Variants in PTPRG observed in about 807,000 individuals in gnomAD.
The protein encoded by PTPRG is receptor-type tyrosine-protein phosphatase gamma.
A neutral mutation model predicts 165.3 loss-of-function variants in PTPRG; 102 were observed. The observed-to-expected ratio is 0.62, with a 90% CI of 0.53 to 0.73. The LOEUF (loss-of-function observed/expected upper bound fraction) is 0.73. PTPRG is among the 30% of genes least tolerant of loss of function. The pLI, the probability that PTPRG is intolerant of heterozygous loss-of-function variation, is 0.00. For missense variants in PTPRG, 1,866 were observed against 1,861.4 expected (o/e 1.00, Z -0.05); for synonymous variants, 675 against 669.5 (o/e 1.01, Z -0.13).
intron 2 of PTPRG, among the ~76,000 whole-genome samples, chr3:61,864,490 A>C (rs1008119083): frequency 6.6e-6 from 1 of 152,202 alleles, no homozygotes; most frequent in East Asian, 1.9e-4. Context: ...TGAGCATTCA[A>C]GGATTTTGGG....
chr3:62,173,795 C>A (rs1193189845), intron 8 of PTPRG, among the ~76,000 whole-genome samples: 1 of 152,166 alleles, frequency 6.6e-6, no homozygotes, highest in Non-Finnish European at 1.5e-5. Flanking sequence ...TGGTGGGGGC[C>A]TGTGTTCATG....
chr3:61,624,176 T>C (rs1323091730), intron 1 of PTPRG, among the ~76,000 whole-genome samples: 1 of 152,170 alleles, frequency 6.6e-6, no homozygotes, highest in Non-Finnish European at 1.5e-5. Flanking sequence ...AAGATAATCC[T>C]GTGAATTTAA....
intron 4 of PTPRG, among the ~76,000 whole-genome samples, chr3:62,036,981 ACG>A (rs1553707727): frequency 7.2e-5 from 8 of 111,848 alleles, no homozygotes; most frequent in African/African-American, 1.4e-4. Flanking sequence ...GCGCGCGCGC[ACG>A]CACACACACA....
At chr3:61,962,975 A>G (rs1246732488) in intron 2 of PTPRG, among the ~76,000 whole-genome samples, 10 of 152,200 alleles carry the variant, frequency 6.6e-5, no homozygotes, top group Admixed American at 2.0e-4. Context: ...AGGTATATGC[A>G]GAGAAGTCTT....
intron 2 of PTPRG, among the ~76,000 whole-genome samples, chr3:61,836,254 A>AT (rs2036458624): frequency 6.6e-6 from 1 of 152,118 alleles, no homozygotes; most frequent in East Asian, 1.9e-4. Flanking sequence ...GTTATAGAAC[A>AT]TAGCCCTTTT....
chr3:62,171,196 G>T (rs986149221), intron 8 of PTPRG, among the ~76,000 whole-genome samples: 1 of 152,078 alleles, frequency 6.6e-6, no homozygotes, highest in African/African-American at 2.4e-5. Flanking sequence ...TTATTTTCAA[G>T]TCTGGGTGAT....
At chr3:62,282,553 AC>A (rs1702491404) in intron 27 of PTPRG, among the ~76,000 whole-genome samples, 173 bp from the exon 28 acceptor site, 1 of 144,114 alleles carries the variant, frequency 6.9e-6, no homozygotes, top group East Asian at 2.0e-4. Context: ...AAACAAAAAA[AC>A]AAAAAAAAAA....
chr3:62,061,122 T>C (rs1700795668), intron 4 of PTPRG, among the ~76,000 whole-genome samples: 1 of 152,218 alleles, frequency 6.6e-6, no homozygotes, highest in Non-Finnish European at 1.5e-5. Context: ...TGTTTTAGCA[T>C]CCCTTGATTT....
At chr3:61,787,978 A>T (rs548724568) in intron 2 of PTPRG, among the ~76,000 whole-genome samples, 84 of 152,108 alleles carry the variant, frequency 5.5e-4, no homozygotes, top group Non-Finnish European at 1.1e-3. Context: ...CAAACTTGTG[A>T]GTTTGTCTGA....
rs1476337922 is a variant in PTPRG at position 62,271,549 on chromosome 3, A to G, written c.3176A>G (p.His1059Arg). 6.2e-7 allele frequency: 1 copy of G among 1,612,910 alleles called. No homozygotes were observed. The highest frequency in any genetic ancestry group is 8.5e-7 in the Non-Finnish European group (1 of 1,179,348). ...CCAGAAACGGGCCCTGTGTTGGTGC[A>G]CTGCAGGTAGGGTCTAGGATTCAAC... ...RMPETGPVLVHCSAGVGRTGT... is the reference protein window; with the variant it reads ...RMPETGPVLVRCSAGVGRTGT... The change falls in exon 21 of 30, where the codon CAC (histidine) becomes CGC (arginine). Residue 1059 changes from histidine to arginine, a missense_variant. By Grantham distance (29) the His-to-Arg change is conservative (BLOSUM62 0). Coordinates refer to ENST00000474889, the MANE Select transcript of PTPRG (RefSeq NM_002841.4). The surrounding 1 kb of genome is among the most constrained non-coding windows in gnomAD (Gnocchi z 4.1).
chr3:62,029,302 T>G lies in PTPRG; in HGVS notation c.519+25805T>G, dbSNP rs531981528. Among the ~76,000 whole-genome samples the G allele has an allele frequency of 3.9e-5, 6 of 152,166 alleles. No homozygotes were observed. In the South Asian group the frequency reaches 1.0e-3, roughly 26 times the overall value. The stretch of plus-strand genomic sequence containing the variant: ...TTAGAGTCCATTTGGAGACACTGCT[T>G]ACTTCATTCTCACAAGTACATTTCT... On this transcript the variant is annotated intron_variant, in intron 4 of 29. Coordinates refer to ENST00000474889, the MANE Select transcript of PTPRG (RefSeq NM_002841.4).
In PTPRG at chr3:61,989,718, T is replaced by C. The variant is rs916309143; in HGVS notation, c.284T>C (p.Val95Ala). 2 of 1,613,992 alleles carry C rather than the reference T, an allele frequency of 1.2e-6. No individual in the cohort carries two copies. The highest frequency in any genetic ancestry group is 1.7e-6 in the Non-Finnish European group (2 of 1,180,012). ...GACATTTTAGACCAGTATGCGCGTG[T>C]TGGGGAAGAATACCAGGAACTGCAA... ...PIDILDQYAR[V>A]GEEYQELQLD... The change falls in exon 3 of 30, where the codon GTT becomes GCT. Residue 95 changes from valine (V) to alanine (A), a missense_variant. Transcript: ENST00000474889.
At chr3:62,068,686 G>C (rs569422193) in intron 4 of PTPRG, among the ~76,000 whole-genome samples, 202 of 152,088 alleles carry the variant, frequency 1.3e-3, no homozygotes, top group African/African-American at 4.8e-3. Context: ...TTGAGATAAG[G>C]TCTCCCTATG....
At position 62,255,310 on chromosome 3, in the gene PTPRG, A is replaced by G. The variant is rs1360206985; in HGVS notation, c.2559+95A>G. 3.3e-6 allele frequency: 3 copies of G among 904,038 alleles called. No homozygotes were observed. In the Admixed American group the frequency reaches 7.6e-5, roughly 23 times the overall value. The allele number at this position is 904,038 out of a possible 1,614,324, so 56.0% of individuals were successfully genotyped here. On this transcript the variant is annotated intron_variant, in intron 16 of 29. Coordinates refer to ENST00000474889, the MANE Select transcript of PTPRG (RefSeq NM_002841.4). This position sits in a 1 kb window ranked among gnomAD's most constrained non-coding sequence, Gnocchi z 4.0. ...GAACTGAATTCATTCCAAGCATAACAAAACAGTAACTACGGAAAGTGGAGT... is the reference window on the plus strand; with the variant it reads ...GAACTGAATTCATTCCAAGCATAACGAAACAGTAACTACGGAAAGTGGAGT...
Position 62,115,997 on chromosome 3 carries a change from A to G in PTPRG, c.616-16605A>G, listed in dbSNP as rs546523319. 2.6e-5 allele frequency among the ~76,000 whole-genome samples: 4 copies of G among 152,334 alleles called. No individual in the cohort carries two copies. The South Asian group carries it at 6.2e-4, about 24-fold the overall frequency. On this transcript the variant is annotated intron_variant, in intron 5 of 29. Transcript: ENST00000474889. The stretch of plus-strand genomic sequence containing the variant: ...AGTATTTTGGGGTGTTTATTCGATA[A>G]GTGGATTATTGTAGCAACTCTCATG...
At chr3:61,891,911 T>C (rs184348844) in intron 2 of PTPRG, among the ~76,000 whole-genome samples, 1 of 152,298 alleles carries the variant, frequency 6.6e-6, no homozygotes, top group Admixed American at 6.5e-5. Context: ...CTTTTCTTTT[T>C]TTTTTTCAGT....
intron 2 of PTPRG, among the ~76,000 whole-genome samples, chr3:61,869,645 C>A (rs2037508295): frequency 6.6e-6 from 1 of 151,234 alleles, no homozygotes; most frequent in African/African-American, 2.4e-5. Flanking sequence ...GTGGTGCATT[C>A]ATGGCTTACT....
At chr3:61,909,333 G>T (rs1410154394) in intron 2 of PTPRG, among the ~76,000 whole-genome samples, 3 of 152,108 alleles carry the variant, frequency 2.0e-5, no homozygotes, top group African/African-American at 7.2e-5. Flanking sequence ...GTCAACACAG[G>T]TTTTAATTTT....
intron 1 of PTPRG, among the ~76,000 whole-genome samples, chr3:61,669,782 T>A (rs1473352504): frequency 6.6e-6 from 1 of 152,178 alleles, no homozygotes. Flanking sequence ...GAGAGGGGAA[T>A]GTGGCATATC....
Sources: allele counts gnomAD v4.1 joint callset (sites outside exome capture counted in the v4.1 genomes callset), GRCh38; gene constraint gnomAD v4.1.1; non-coding constraint Gnocchi (gnomAD v3.1); transcripts MANE v1.5; gene names NCBI Gene and HGNC (gene_info 2026-07-23, HGNC 2026-07-21).